Variants in ELAPOR2 observed in about 807,000 individuals in gnomAD.
ELAPOR2 encodes the protein endosome/lysosome-associated apoptosis and autophagy regulator family member 2.
A neutral mutation model predicts 120.7 loss-of-function variants in ELAPOR2; 89 were observed. The observed-to-expected ratio is 0.74, with a 90% CI of 0.62 to 0.88. ELAPOR2 has a LOEUF of 0.88. Among genes scored for constraint, ELAPOR2 ranks in the 40% least tolerant of loss-of-function variants. ELAPOR2 has a pLI of 0.00. For missense variants in ELAPOR2, 1,134 were observed against 1,251.6 expected (o/e 0.91, Z 1.42); for synonymous variants, 444 against 444.9 (o/e 1.00, Z 0.03).
intron 19 of ELAPOR2, among the ~76,000 whole-genome samples, chr7:86,896,059 T>C (rs189424908): frequency 6.6e-6 from 1 of 152,226 alleles, no homozygotes; most frequent in East Asian, 1.9e-4. Context: ...TGACCCTGTG[T>C]GCTCTGAACT....
At chr7:87,054,906 G>T (rs374533480) in intron 1 of ELAPOR2, among the ~76,000 whole-genome samples, 1 of 152,116 alleles carries the variant, frequency 6.6e-6, no homozygotes, top group African/African-American at 2.4e-5. Flanking sequence ...TTCTTCAAAG[G>T]CTTTTCTTTT....
At chr7:86,981,949 C>T (rs936152468) in intron 1 of ELAPOR2, among the ~76,000 whole-genome samples, 9 of 152,342 alleles carry the variant, frequency 5.9e-5, no homozygotes, top group African/African-American at 2.2e-4. Flanking sequence ...TCAGGACACT[C>T]CTGCCCACAT....
At chr7:86,939,918 T>A in intron 6 of ELAPOR2, 92 bp downstream of exon 6, 2 of 694,716 alleles carry the variant, frequency 2.9e-6, no homozygotes, top group Admixed American at 5.6e-5. Flanking sequence ...GTTCTATAAA[T>A]CTTTGAGCCA....
chr7:86,978,891 T>C (rs777774868), intron 1 of ELAPOR2, among the ~76,000 whole-genome samples: 2 of 152,230 alleles, frequency 1.3e-5, no homozygotes, highest in Non-Finnish European at 2.9e-5. Flanking sequence ...CTGTATATTT[T>C]TTTGTTTGAT....
intron 1 of ELAPOR2, among the ~76,000 whole-genome samples, chr7:86,986,029 C>T (rs1792717897): frequency 6.6e-6 from 1 of 152,028 alleles, no homozygotes; most frequent in Non-Finnish European, 1.5e-5. Context: ...CTCACCACTC[C>T]TATTCAACAT....
At chr7:87,040,143 G>A (rs1348857307) in intron 1 of ELAPOR2, among the ~76,000 whole-genome samples, 1 of 152,258 alleles carries the variant, frequency 6.6e-6, no homozygotes, top group Non-Finnish European at 1.5e-5. Context: ...CTCGCTGATT[G>A]CTAGCACAGC....
intron 10 of ELAPOR2, among the ~76,000 whole-genome samples, chr7:86,924,640 AG>A (rs1224623556): frequency 6.6e-6 from 1 of 151,928 alleles, no homozygotes; most frequent in African/African-American, 2.4e-5. Context: ...ATATATACTG[AG>A]GCTTTGTCTT....
At chr7:87,043,393 C>T (rs1357611009) in intron 1 of ELAPOR2, among the ~76,000 whole-genome samples, 4 of 151,098 alleles carry the variant, frequency 2.6e-5, no homozygotes, top group African/African-American at 4.9e-5. Context: ...TCCAGCAGCA[C>T]ATCAAAAAGC....
intron 21 of ELAPOR2, among the ~76,000 whole-genome samples, chr7:86,884,071 A>T (rs1799572400): frequency 6.6e-6 from 1 of 152,204 alleles, no homozygotes; most frequent in Non-Finnish European, 1.5e-5. Context: ...TGGGCATATG[A>T]CTATACCACT....
At chr7:86,947,340 T>C (rs1333278481) in intron 3 of ELAPOR2, among the ~76,000 whole-genome samples, 1 of 152,190 alleles carries the variant, frequency 6.6e-6, no homozygotes, top group African/African-American at 2.4e-5. Flanking sequence ...CTCTCTTTTA[T>C]AGGAGATAAT....
intron 1 of ELAPOR2, among the ~76,000 whole-genome samples, chr7:86,999,590 A>G (rs974275337): frequency 1.3e-5 from 2 of 152,202 alleles, no homozygotes; most frequent in African/African-American, 4.8e-5. Context: ...CACTAGAATT[A>G]TGCAACAGCT....
At chr7:87,023,140 A>G (rs1017313358) in intron 1 of ELAPOR2, among the ~76,000 whole-genome samples, 6 of 152,170 alleles carry the variant, frequency 3.9e-5, no homozygotes, top group Non-Finnish European at 7.3e-5. Context: ...GTCCTTGCCC[A>G]TGCCTATGTC....
intron 1 of ELAPOR2, among the ~76,000 whole-genome samples, chr7:87,047,064 G>T (rs1794977436): frequency 6.6e-6 from 1 of 152,036 alleles, no homozygotes; most frequent in South Asian, 2.1e-4. Flanking sequence ...TTTTGACAAA[G>T]GTACCAAGAA....
At chr7:87,034,491 A>T (rs933841581) in intron 1 of ELAPOR2, among the ~76,000 whole-genome samples, 5 of 151,896 alleles carry the variant, frequency 3.3e-5, no homozygotes, top group Non-Finnish European at 1.5e-5. Flanking sequence ...AAAAAATGAG[A>T]TCATTAAAAA....
intron 15 of ELAPOR2, 105 bp from the exon 16 acceptor site, chr7:86,910,106 G>C (rs1789227914): frequency 3.7e-6 from 3 of 815,220 alleles, no homozygotes; most frequent in Non-Finnish European, 5.6e-6. Flanking sequence ...TCTCCTCACT[G>C]CAAGGATTCT....
At chr7:86,913,412 A>T (rs1473140574) in intron 13 of ELAPOR2, among the ~76,000 whole-genome samples, 1 of 152,204 alleles carries the variant, frequency 6.6e-6, no homozygotes, top group East Asian at 1.9e-4. Flanking sequence ...CTGCAATAAT[A>T]TAGTTCCAGG....
intron 8 of ELAPOR2, among the ~76,000 whole-genome samples, chr7:86,932,216 G>A (rs1326596634): frequency 2.6e-5 from 4 of 151,892 alleles, no homozygotes; most frequent in Non-Finnish European, 5.9e-5. Flanking sequence ...GAAAGGGCTT[G>A]CCTGAGAAGG....
chr7:86,924,787 A>C (rs1377489505), intron 10 of ELAPOR2, among the ~76,000 whole-genome samples: 4 of 152,024 alleles, frequency 2.6e-5, no homozygotes, highest in Non-Finnish European at 5.9e-5. Flanking sequence ...GTATGTGTTA[A>C]AAAGCACACA....
intron 8 of ELAPOR2, among the ~76,000 whole-genome samples, chr7:86,930,194 TACTGAAAAC>T (rs1263022930): frequency 6.6e-6 from 1 of 151,994 alleles, no homozygotes; most frequent in African/African-American, 2.4e-5. Context: ...GTGGTGACTA[TACTGAAAAC>T]ACTGAATTAT....
Sources: allele counts gnomAD v4.1 joint callset (sites outside exome capture counted in the v4.1 genomes callset), GRCh38; gene constraint gnomAD v4.1.1; transcripts MANE v1.5; gene names NCBI Gene and HGNC (gene_info 2026-07-23, HGNC 2026-07-21).